RBM23: variants seen among roughly 807,000 people sequenced by gnomAD.
RBM23 encodes RNA binding motif protein 23.
RBM23 carries 53 observed loss-of-function variants against 56.2 expected under a neutral mutation model. The ratio of observed to expected loss-of-function variants is 0.94; its 90% CI spans 0.76 to 1.19. The LOEUF is 1.19. Ranked by LOEUF, RBM23 falls within the 50% of genes most tolerant of loss-of-function variation. The pLI, the probability that RBM23 is intolerant of heterozygous loss-of-function variation, is 0.00. For missense variants in RBM23, 642 were observed against 590.3 expected, an observed-to-expected ratio of 1.09 and a Z score of -0.91; for synonymous variants, 197 against 198.5, an observed-to-expected ratio of 0.99 and a Z score of 0.06.
rs903843831 is a variant in RBM23, at chr14:22,900,472, T to C, written c.*1258A>G. On this transcript the variant is annotated 3_prime_UTR_variant, in exon 14 of 14. Coordinates refer to ENST00000359890, the MANE Select transcript of RBM23 (RefSeq NM_001077351.2). Reference sequence around the variant, plus strand: ...CTAAGTCTGTCCTGGTGCTGCAACTTGGCTGTTTGGGTAATTCTGTCCAGT... The same window carrying C: ...CTAAGTCTGTCCTGGTGCTGCAACTCGGCTGTTTGGGTAATTCTGTCCAGT... The C allele has an allele frequency of 2.0e-5, 3 of 152,194 alleles. No individual in the cohort carries two copies. The highest frequency in any genetic ancestry group is 7.2e-5 in the African/African-American group (3 of 41,402). The allele number at this position is 152,194 out of a possible 1,614,324, so 9.4% of individuals were successfully genotyped here.
intron 1 of RBM23, among the ~76,000 whole-genome samples, chr14:22,912,932 G>A (rs532818851): frequency 6.9e-4 from 101 of 146,730 alleles, no homozygotes; most frequent in Non-Finnish European, 1.2e-3. Flanking sequence ...CCCAGGAGGC[G>A]GAGGTTGCAG....
intron 1 of RBM23, chr14:22,911,711 G>A (rs1373704402): frequency 6.1e-6 from 1 of 164,866 alleles, no homozygotes; most frequent in African/African-American, 2.4e-5. Flanking sequence ...TCAGGAGTTT[G>A]AGACCAGCCT....
Position 22,906,357 on chromosome 14 carries a change from T to C in RBM23, c.239A>G (p.Asp80Gly). The C allele has an allele frequency of 6.2e-7, 1 of 1,614,108 alleles. No homozygotes were observed. Among genetic ancestry groups the C allele is most frequent in the Non-Finnish European group, 8.5e-7 (1 of 1,180,014 alleles). Residue 80 changes from aspartate (D) to glycine (G), a missense_variant, in exon 5 of 14, where the codon GAT becomes GGT. Physicochemically the swap from Asp to Gly is moderately conservative, Grantham distance 94. Transcript: ENST00000359890. ...SRDRKRSRSR[D>G]RDRYRRRNSR... ...ATTTCTCCGTCTATACCGATCCCGA[T>C]CTCGACTACGACTACAGAGGGAAAC...
chr14:22,918,811 G>A (rs990972073), intron 1 of RBM23, 188 bp downstream of exon 1: 1 of 152,160 alleles, frequency 6.6e-6, no homozygotes, highest in Non-Finnish European at 1.5e-5. Flanking sequence ...CTAAAATCGT[G>A]GCAGTGGGCT....
chr14:22,906,124 G>C, intron 5 of RBM23, 71 bp downstream of exon 5: 1 of 1,539,598 alleles, frequency 6.5e-7, no homozygotes, highest in Non-Finnish European at 8.9e-7. Flanking sequence ...CCCTCAAGCA[G>C]GGTTCATAGT....
At chr14:22,913,845 T>C (rs2043006034) in intron 1 of RBM23, 1 of 149,802 alleles carries the variant, frequency 6.7e-6, no homozygotes, top group African/African-American at 2.5e-5. Flanking sequence ...CAAGATTCCA[T>C]CTCAAAAAAA....
chr14:22,902,250 C>T lies in RBM23; in HGVS notation c.1063G>A (p.Asp355Asn). The stretch of plus-strand genomic sequence containing the variant: ...GCTGATCCCAGATCCAGCTCCTGGT[C>T]CCCATCAGGAAAAGTGATGTCTGTG... The part of the protein sequence containing the change: ...GGTDITFPDG[D>N]QELDLGSAGG... Residue 355 changes from aspartate to asparagine, a missense_variant, in exon 11 of 14, where the codon GAC becomes AAC. Asp to Asn is a conservative substitution (Grantham distance 23). Transcript: ENST00000359890. 1 of 1,614,208 alleles carries T rather than the reference C, an allele frequency of 6.2e-7. No individual in the cohort carries two copies. Among genetic ancestry groups the T allele is most frequent in the Non-Finnish European group, 8.5e-7 (1 of 1,180,032 alleles).
chr14:22,914,986 C>CA (rs367972024), intron 1 of RBM23, among the ~76,000 whole-genome samples: 55,611 of 101,758 alleles, frequency 0.55, 15,286 homozygotes, highest in East Asian at 0.8. Flanking sequence ...GACTCCATCT[C>CA]AAAAAAAAAA....
chr14:22,918,200 G>C lies in RBM23; in HGVS notation c.-11+799C>G, dbSNP rs977502536. 4.6e-5 allele frequency among the ~76,000 whole-genome samples: 7 copies of C among 152,240 alleles called. No individual in the cohort carries two copies. In the South Asian group the frequency reaches 1.5e-3, roughly 32 times the overall value. On this transcript the variant is annotated intron_variant, in intron 1 of 13. Transcript: ENST00000359890. ...ACCTGAGGTCAGGAGTTCGAGGTCA[G>C]CCTGGCTAACATGGCAAAACCCCAT... is the stretch of plus-strand genomic sequence containing the variant.
intron 3 of RBM23, among the ~76,000 whole-genome samples, chr14:22,908,942 T>C (rs997605920): frequency 2.0e-5 from 3 of 148,466 alleles, no homozygotes; most frequent in African/African-American, 7.3e-5. Flanking sequence ...GGGGTCCTCT[T>C]GCTATTTTTT....
At chr14:22,909,707 T>C in intron 2 of RBM23, 112 bp from the exon 3 acceptor site, 1 of 767,508 alleles carries the variant, frequency 1.3e-6, no homozygotes, top group East Asian at 2.5e-5. Context: ...CTTGATTATC[T>C]AGCCAGATTT....
intron 4 of RBM23, 31 bp from the exon 5 acceptor site, chr14:22,906,399 A>G: frequency 6.2e-7 from 1 of 1,609,204 alleles, no homozygotes; most frequent in Non-Finnish European, 8.5e-7. Context: ...AGTCATGCCC[A>G]CATCATGTTT....
chr14:22,905,331 GTTACCTT>G lies in RBM23; in HGVS notation c.571_573+4del, dbSNP rs768555297. The stretch of plus-strand genomic sequence containing the variant: ...CTCAGAAGAAAACTAAGGTGGGAGG[GTTACCTT>G]GCCTACAGCAGAGAAAAAGTCCTCC... On this transcript the variant is annotated splice_donor_variant and splice_donor_region_variant and coding_sequence_variant and intron_variant, in exon 7 of 14. Transcript: ENST00000359890. LOFTEE classifies it high-confidence loss of function. 1 of 1,614,044 alleles carries G rather than the reference GTTACCTT, an allele frequency of 6.2e-7. No individual in the cohort carries two copies. The highest frequency in any genetic ancestry group is 8.5e-7 in the Non-Finnish European group (1 of 1,179,982).
intron 10 of RBM23, 80 bp downstream of exon 10, chr14:22,904,181 G>A: frequency 1.9e-6 from 3 of 1,610,398 alleles, no homozygotes; most frequent in Non-Finnish European, 1.7e-6. Context: ...CCTAAAGGAG[G>A]AGGATGAAGC....
intron 1 of RBM23, among the ~76,000 whole-genome samples, chr14:22,915,163 A>G (rs1043672170): frequency 6.6e-6 from 1 of 152,176 alleles, no homozygotes; most frequent in African/African-American, 2.4e-5. Flanking sequence ...ACACTGTGCT[A>G]AGCATGTTAT....
chr14:22,895,953 T>C lies in RBM23; in HGVS notation c.*5777A>G, dbSNP rs2040241827. On this transcript the variant is annotated 3_prime_UTR_variant, in exon 14 of 14. Transcript: ENST00000359890. ...AAAGAGATTGGGCTAGTGGGATCTG[T>C]TTTCCTGAAAACTAGGCAGGTTGTG... is the stretch of plus-strand genomic sequence containing the variant. The C allele has an allele frequency of 6.6e-6, 1 of 152,192 alleles. No individual in the cohort carries two copies. Among genetic ancestry groups the C allele is most frequent in the Non-Finnish European group, 1.5e-5 (1 of 68,032 alleles). The allele number at this position is 152,192 out of a possible 1,614,324, so 9.4% of individuals were successfully genotyped here. A position where few individuals can be genotyped will look rare whatever the true frequency, so the allele number is the denominator to read the frequency against.
At chr14:22,917,144 A>C (rs1406954824) in intron 1 of RBM23, 1 of 152,204 alleles carries the variant, frequency 6.6e-6, no homozygotes, top group Non-Finnish European at 1.5e-5. Flanking sequence ...CTGGGATTAC[A>C]GACATGAGCC....
At position 22,909,702 on chromosome 14, in the gene RBM23, T is replaced by A. The variant is rs1282162668; in HGVS notation, c.67-107A>T. On this transcript the variant is annotated intron_variant, in intron 2 of 13. Coordinates refer to ENST00000359890, the MANE Select transcript of RBM23 (RefSeq NM_001077351.2). ...ACAAGGAATAAATCAAACCACTTGA[T>A]TATCTAGCCAGATTTTCAGCACCCT... 5.0e-6 allele frequency: 4 copies of A among 792,680 alleles called. No individual in the cohort carries two copies. In the African/African-American group the frequency reaches 6.8e-5, roughly 14 times the overall value. 49.1% of individuals were successfully genotyped at this position (792,680 alleles called of 1,614,324 possible).
At chr14:22,907,419 T>C (rs563012083) in intron 4 of RBM23, among the ~76,000 whole-genome samples, 6 of 152,298 alleles carry the variant, frequency 3.9e-5, no homozygotes, top group Middle Eastern at 3.4e-3. Flanking sequence ...TAATCTATTA[T>C]ACATTTCAAA....
Sources: allele counts gnomAD v4.1 joint callset (sites outside exome capture counted in the v4.1 genomes callset), GRCh38; gene constraint gnomAD v4.1.1; transcripts MANE v1.5; gene names NCBI Gene and HGNC (gene_info 2026-07-23, HGNC 2026-07-21).